The following ZCWPW2 variants were observed in gnomAD, a reference collection of about 807,000 sequenced individuals.
The protein encoded by ZCWPW2 is zinc finger CW-type and PWWP domain containing 2.
Under a neutral mutation model 46.6 loss-of-function variants are expected in ZCWPW2, and 45 were observed. That is an observed-to-expected ratio of 0.96 (90% CI 0.76 to 1.24). The LOEUF is 1.24. Among genes scored for constraint, ZCWPW2 ranks in the 50% most tolerant of loss-of-function variants. ZCWPW2 has a pLI of 0.00. For synonymous variants in ZCWPW2, 152 were observed against 137.1 expected (o/e 1.11, Z -0.76); for missense variants, 429 against 403.9 (o/e 1.06, Z -0.53).
At chr3:28,477,810 T>C (rs1699287062) in intron 4 of ZCWPW2, among the ~76,000 whole-genome samples, 1 of 152,142 alleles carries the variant, frequency 6.6e-6, no homozygotes, top group Non-Finnish European at 1.5e-5. Flanking sequence ...GCCATATTCC[T>C]TTTGCTGGTA....
At chr3:28,353,740 AT>A (rs1266413875) in intron 1 of ZCWPW2, among the ~76,000 whole-genome samples, 1 of 152,188 alleles carries the variant, frequency 6.6e-6, no homozygotes, top group African/African-American at 2.4e-5. Flanking sequence ...AAATGCAGTG[AT>A]TTTTCTGGCA....
chr3:28,462,096 G>A (rs1032287853), intron 4 of ZCWPW2, among the ~76,000 whole-genome samples: 3 of 152,118 alleles, frequency 2.0e-5, no homozygotes, highest in Non-Finnish European at 4.4e-5. Context: ...GGGTTTCCTT[G>A]TTTTCCGGAT....
At chr3:28,510,682 C>T (rs1425447287) in intron 6 of ZCWPW2, among the ~76,000 whole-genome samples, 1 of 152,112 alleles carries the variant, frequency 6.6e-6, no homozygotes, top group African/African-American at 2.4e-5. Flanking sequence ...AGCTACCTAC[C>T]TCAGCCAACC....
intron 4 of ZCWPW2, among the ~76,000 whole-genome samples, chr3:28,470,782 T>C (rs996620473): frequency 6.6e-6 from 1 of 151,678 alleles, no homozygotes; most frequent in Non-Finnish European, 1.5e-5. Flanking sequence ...ATGAGATAAA[T>C]GAAATAGAAA....
chr3:28,454,046 G>T, intron 4 of ZCWPW2, among the ~76,000 whole-genome samples: 1 of 151,264 alleles, frequency 6.6e-6, no homozygotes, highest in Non-Finnish European at 1.5e-5. Flanking sequence ...GGGTTTCACC[G>T]TGTTAGCCAG....
At chr3:28,374,258 C>T (rs1031586266) in intron 1 of ZCWPW2, among the ~76,000 whole-genome samples, 9 of 152,068 alleles carry the variant, frequency 5.9e-5, no homozygotes, top group African/African-American at 2.2e-4. Context: ...GTCCTCTTCC[C>T]AGTGTATGTT....
chr3:28,372,637 G>A lies in ZCWPW2; in HGVS notation c.-133-17861G>A, dbSNP rs141162539. Among the ~76,000 whole-genome samples, 114 of 152,098 alleles carry A rather than the reference G, an allele frequency of 7.5e-4. 2 individuals are homozygous for A. The East Asian group carries it at 0.019, about 26-fold the overall frequency. On this transcript the variant is annotated intron_variant, in intron 1 of 9. Transcript: ENST00000383768. ...CTTGTCCTTTATTTTATTTTAATAAGTTCAGAGGATACAAGTGCAGTTTTG... is the reference window on the plus strand; with the variant it reads ...CTTGTCCTTTATTTTATTTTAATAAATTCAGAGGATACAAGTGCAGTTTTG...
intron 4 of ZCWPW2, among the ~76,000 whole-genome samples, chr3:28,453,127 C>T (rs1486970439): frequency 1.3e-5 from 2 of 152,172 alleles, no homozygotes; most frequent in African/African-American, 4.8e-5. Flanking sequence ...GCAGTGTCTC[C>T]AGCATACTTT....
chr3:28,444,088 G>A (rs539120783), intron 4 of ZCWPW2, among the ~76,000 whole-genome samples: 1 of 152,008 alleles, frequency 6.6e-6, no homozygotes, highest in South Asian at 2.1e-4. Context: ...CTACTTAGTG[G>A]TCCCAAATCA....
chr3:28,359,222 CAG>C (rs946634296), intron 1 of ZCWPW2, among the ~76,000 whole-genome samples: 7 of 151,980 alleles, frequency 4.6e-5, no homozygotes, highest in African/African-American at 1.2e-4. Flanking sequence ...TTATTAGTAA[CAG>C]AAATAGGATT....
At position 28,506,176 on chromosome 3, in the gene ZCWPW2, A is replaced by C. The variant is rs1185719646; in HGVS notation, c.658-7888A>C. Among the ~76,000 whole-genome samples, 3 of 150,040 alleles carry C rather than the reference A, an allele frequency of 2.0e-5. No individual in the cohort carries two copies. The Admixed American group carries it at 2.0e-4, about 10-fold the overall frequency. On this transcript the variant is annotated intron_variant, in intron 6 of 9. Coordinates refer to ENST00000383768, the MANE Select transcript of ZCWPW2 (RefSeq NM_001040432.4). ...TCCATGTAACCACATTGTTTTTTACACTCAACAAGGAAAGCATTAATACTT... is the reference window on the plus strand; with the variant it reads ...TCCATGTAACCACATTGTTTTTTACCCTCAACAAGGAAAGCATTAATACTT...
chr3:28,396,511 T>A (rs1695705114), intron 2 of ZCWPW2, among the ~76,000 whole-genome samples: 1 of 152,176 alleles, frequency 6.6e-6, no homozygotes, highest in African/African-American at 2.4e-5. Flanking sequence ...ATAAGCATTG[T>A]TTACAAGTGA....
intron 5 of ZCWPW2, among the ~76,000 whole-genome samples, chr3:28,482,466 G>T (rs1163091776): frequency 6.6e-6 from 1 of 152,128 alleles, no homozygotes; most frequent in Non-Finnish European, 1.5e-5. Flanking sequence ...AAACATATAT[G>T]TGCAGGTTTT....
chr3:28,480,669 A>G (rs1699395315), intron 5 of ZCWPW2, among the ~76,000 whole-genome samples: 1 of 151,992 alleles, frequency 6.6e-6, no homozygotes, highest in Non-Finnish European at 1.5e-5. Context: ...CTATGTCCTG[A>G]ATGGTATTGC....
At chr3:28,414,360 T>A (rs1363767116) in intron 3 of ZCWPW2, among the ~76,000 whole-genome samples, 1 of 152,002 alleles carries the variant, frequency 6.6e-6, no homozygotes, top group Non-Finnish European at 1.5e-5. Context: ...TTAATTTTAA[T>A]TTTAGGTTCC....
chr3:28,424,086 T>C lies in ZCWPW2; in HGVS notation c.332+10686T>C, dbSNP rs548011762. On this transcript the variant is annotated intron_variant, in intron 3 of 9. Transcript: ENST00000383768. ...CTGCTATCTTTCCAGAATTCCTTACTATTTTACATTGCGTTTTTCAACCTA... is the reference window on the plus strand; with the variant it reads ...CTGCTATCTTTCCAGAATTCCTTACCATTTTACATTGCGTTTTTCAACCTA... Among the ~76,000 whole-genome samples, 7 of 152,240 alleles carry C rather than the reference T, an allele frequency of 4.6e-5. No homozygotes were observed. The South Asian group carries it at 1.5e-3, about 32-fold the overall frequency.
At chr3:28,367,821 G>C (rs187794511) in intron 1 of ZCWPW2, among the ~76,000 whole-genome samples, 26 of 152,216 alleles carry the variant, frequency 1.7e-4, no homozygotes, top group Non-Finnish European at 7.4e-5. Flanking sequence ...TTATGAATCT[G>C]GGTGCTCCTG....
intron 4 of ZCWPW2, among the ~76,000 whole-genome samples, chr3:28,436,323 C>CTTTTTT (rs71087698): frequency 1.6e-3 from 189 of 116,798 alleles, no homozygotes; most frequent in Non-Finnish European, 1.9e-3. Context: ...TCTTTTTTTT[C>CTTTTTT]TTTTTTTTTT....
At chr3:28,490,132 C>G (rs962774410) in intron 5 of ZCWPW2, among the ~76,000 whole-genome samples, 4 of 152,062 alleles carry the variant, frequency 2.6e-5, no homozygotes, top group Non-Finnish European at 5.9e-5. Context: ...CTATCTCACA[C>G]CAGTCAGAAT....
Sources: gnomAD v4.1 joint callset for allele counts (sites outside exome capture counted in the v4.1 genomes callset) on GRCh38, gnomAD v4.1.1 for gene constraint, MANE v1.5 for transcripts, NCBI Gene and HGNC (gene_info 2026-07-23, HGNC 2026-07-21) for gene names.